SH3PXD2A: variants seen among roughly 807,000 people sequenced by gnomAD.
The protein encoded by SH3PXD2A is SH3 and PX domain-containing protein 2A.
SH3PXD2A carries 32 observed loss-of-function variants against 115.2 expected under a neutral mutation model. The ratio of observed to expected loss-of-function variants is 0.28; its 90% CI spans 0.21 to 0.37. The LOEUF is 0.37. Ranked by LOEUF, SH3PXD2A falls within the 10% of genes least tolerant of loss-of-function variation. The probability of loss-of-function intolerance (pLI) is 1.00; values close to 1 mark genes in which losing one functional copy is unlikely to be tolerated. For missense variants in SH3PXD2A, 1,328 were observed against 1,498.7 expected, an observed-to-expected ratio of 0.89 and a Z score of 1.88; for synonymous variants, 610 against 629.1, an observed-to-expected ratio of 0.97 and a Z score of 0.45.
At chr10:103,832,189 A>G (rs1396424873) in intron 1 of SH3PXD2A, among the ~76,000 whole-genome samples, 1 of 152,188 alleles carries the variant, frequency 6.6e-6, no homozygotes, top group African/African-American at 2.4e-5. Flanking sequence ...AGCAAGAAAT[A>G]GAATTTGGGG....
rs374144256 is a variant in SH3PXD2A, at chr10:103,769,651, C to T, written c.154-2482G>A. On this transcript the variant is annotated intron_variant, in intron 2 of 14. Transcript: ENST00000369774. The stretch of plus-strand genomic sequence containing the variant: ...TTCACCATGTTGGCCAGACTGGTCT[C>T]GAACTCCTGGCCTCAAGTGATCCGC... Among the ~76,000 whole-genome samples the T allele has an allele frequency of 6.8e-4, 104 of 152,090 alleles. 2 individuals carry two copies. In the South Asian group the frequency reaches 0.01, roughly 15 times the overall value.
chr10:103,825,824 C>T (rs1176683716), intron 1 of SH3PXD2A, among the ~76,000 whole-genome samples: 3 of 142,366 alleles, frequency 2.1e-5, no homozygotes, highest in East Asian at 2.1e-4. Flanking sequence ...GGTGCAGTGG[C>T]GCAATCTCAG....
chr10:103,679,188 A>AC (rs2037578900), intron 6 of SH3PXD2A, among the ~76,000 whole-genome samples: 1 of 152,202 alleles, frequency 6.6e-6, no homozygotes, highest in Non-Finnish European at 1.5e-5. Flanking sequence ...CACTTGTGAC[A>AC]CTGTTTTAAA....
At chr10:103,817,310 C>T (rs2039334489) in intron 1 of SH3PXD2A, among the ~76,000 whole-genome samples, 1 of 152,010 alleles carries the variant, frequency 6.6e-6, no homozygotes, top group Non-Finnish European at 1.5e-5. Context: ...CCTCCTCCAC[C>T]CTCCACCCTC....
intron 1 of SH3PXD2A, among the ~76,000 whole-genome samples, chr10:103,811,971 T>C (rs1384086800): frequency 6.6e-6 from 1 of 152,218 alleles, no homozygotes; most frequent in Non-Finnish European, 1.5e-5. Context: ...TCCCTTCCCC[T>C]GCAAAGTGCC....
At chr10:103,785,407 C>T (rs1190474617) in intron 2 of SH3PXD2A, among the ~76,000 whole-genome samples, 1 of 152,130 alleles carries the variant, frequency 6.6e-6, no homozygotes, top group Non-Finnish European at 1.5e-5. Flanking sequence ...CCTCCGTGCC[C>T]CTAACCCCAC....
chr10:103,669,262 A>T (rs4918041), intron 6 of SH3PXD2A, among the ~76,000 whole-genome samples: 132,511 of 152,204 alleles, frequency 0.87, 57,780 homozygotes, highest in East Asian at 1. Flanking sequence ...CCAACCCCAA[A>T]GCAGAAGGAC....
intron 5 of SH3PXD2A, among the ~76,000 whole-genome samples, chr10:103,695,010 C>CGT (rs2037807748): frequency 1.3e-5 from 2 of 152,164 alleles, no homozygotes; most frequent in South Asian, 4.1e-4. Flanking sequence ...AGTATTAGAT[C>CGT]GTAGCTGTGT....
intron 1 of SH3PXD2A, among the ~76,000 whole-genome samples, chr10:103,817,923 T>C (rs893683763): frequency 6.6e-6 from 1 of 152,080 alleles, no homozygotes; most frequent in South Asian, 2.1e-4. Flanking sequence ...GGTGGGTGGG[T>C]GGCTGTCAGG....
At chr10:103,799,095 G>A (rs1397507005) in intron 2 of SH3PXD2A, among the ~76,000 whole-genome samples, 1 of 152,192 alleles carries the variant, frequency 6.6e-6, no homozygotes. Flanking sequence ...GAGCCTGTCC[G>A]GAGTTACGTG....
chr10:103,794,686 C>T (rs191206416), intron 2 of SH3PXD2A, among the ~76,000 whole-genome samples: 1 of 152,348 alleles, frequency 6.6e-6, no homozygotes, highest in Non-Finnish European at 1.5e-5. Flanking sequence ...TAGGCCCTGT[C>T]CTGGTCAGCT....
In SH3PXD2A at chr10:103,665,037, G is replaced by A. The variant is rs1275493330; in HGVS notation, c.472+3571C>T. ...GACCAGACCACAGTGCCTGTTAGGT[G>A]GCAGGCACTCAATAAGTGTGAAATG... On this transcript the variant is annotated intron_variant, in intron 7 of 14. Transcript: ENST00000369774. The surrounding 1 kb of genome is among the most constrained non-coding windows in gnomAD (Gnocchi z 4.0). Among the ~76,000 whole-genome samples the A allele has an allele frequency of 1.3e-5, 2 of 152,182 alleles. No homozygotes were observed. Among genetic ancestry groups the A allele is most frequent in the African/African-American group, 4.8e-5 (2 of 41,450 alleles).
At chr10:103,663,827 C>T (rs1041592554) in intron 7 of SH3PXD2A, among the ~76,000 whole-genome samples, 2 of 152,258 alleles carry the variant, frequency 1.3e-5, no homozygotes, top group Non-Finnish European at 2.9e-5. Context: ...GAGGTGTGGG[C>T]CCTGCAGGCC....
At chr10:103,811,269 C>T (rs1589465306) in intron 1 of SH3PXD2A, among the ~76,000 whole-genome samples, 1 of 152,168 alleles carries the variant, frequency 6.6e-6, no homozygotes, top group Non-Finnish European at 1.5e-5. Flanking sequence ...GCCCCCAGAA[C>T]GAGAAGAAAA....
At chr10:103,704,968 G>T (rs890766349) in intron 5 of SH3PXD2A, among the ~76,000 whole-genome samples, 13 of 152,176 alleles carry the variant, frequency 8.5e-5, no homozygotes, top group African/African-American at 3.1e-4. Context: ...CAGGCTCACA[G>T]GACAAGCCTG....
At chr10:103,831,675 T>C (rs1321753922) in intron 1 of SH3PXD2A, among the ~76,000 whole-genome samples, 4 of 152,050 alleles carry the variant, frequency 2.6e-5, no homozygotes, top group Non-Finnish European at 4.4e-5. Flanking sequence ...ATTTAATTAA[T>C]TAACTAATTA....
chr10:103,736,883 C>A (rs1396363175), intron 3 of SH3PXD2A: 1 of 782,224 alleles, frequency 1.3e-6, no homozygotes, highest in Admixed American at 2.3e-5. Context: ...TCTAGCCACA[C>A]CCCCTAGCAA....
intron 7 of SH3PXD2A, among the ~76,000 whole-genome samples, chr10:103,661,378 A>C (rs1327991865): frequency 6.6e-6 from 1 of 152,192 alleles, no homozygotes; most frequent in Non-Finnish European, 1.5e-5. Flanking sequence ...AGGAGGAGGA[A>C]AGAGAGAGGC....
In SH3PXD2A at chr10:103,602,758, G is replaced by A. The variant is rs201177505; in HGVS notation, c.2460C>T (p.Ser820=). 28 of 1,613,982 alleles carry A rather than the reference G, an allele frequency of 1.7e-5. No individual in the cohort carries two copies. Among genetic ancestry groups the A allele is most frequent in the East Asian group, 1.3e-4 (6 of 44,894 alleles). The part of the protein sequence containing the change: ...APSEGSRRSS[S]DLITLPATTP... The stretch of plus-strand genomic sequence containing the variant: ...TGGTGGCTGGGAGGGTGATGAGGTC[G>A]GATGAGCTTCTCCTAGACCCCTCAC... Residue 820 remains serine, a synonymous_variant, in exon 15 of 15, where the codon TCC becomes TCT. Coordinates refer to ENST00000369774, the MANE Select transcript of SH3PXD2A (RefSeq NM_001394015.1).
Sources: gnomAD v4.1 joint callset for allele counts (sites outside exome capture counted in the v4.1 genomes callset) on GRCh38, gnomAD v4.1.1 for gene constraint, Gnocchi (gnomAD v3.1) non-coding constraint, MANE v1.5 for transcripts, NCBI Gene and HGNC (gene_info 2026-07-23, HGNC 2026-07-21) for gene names.